The following ABLIM2 variants were observed in gnomAD, a reference collection of about 807,000 sequenced individuals.
ABLIM2 encodes actin binding LIM protein family member 2, also known as actin-binding LIM protein 2.
Under a neutral mutation model 97.7 loss-of-function variants are expected in ABLIM2, and 53 were observed. That is an observed-to-expected ratio of 0.54 (90% CI 0.44 to 0.68). ABLIM2 has a LOEUF of 0.68. Among genes scored for constraint, ABLIM2 ranks in the 30% least tolerant of loss-of-function variants. The pLI, the probability that ABLIM2 is intolerant of heterozygous loss-of-function variation, is 0.00. For missense variants in ABLIM2, 835 were observed against 867.2 expected (o/e 0.96, Z 0.47); for synonymous variants, 361 against 345.8 (o/e 1.04, Z -0.49).
chr4:8,091,319 T>TTA lies in ABLIM2; in HGVS notation c.339-3037_339-3036dup, dbSNP rs1278853015. Among the ~76,000 whole-genome samples the TTA allele has an allele frequency of 4.1e-3, 169 of 40,810 alleles. 18 individuals carry two copies. Among genetic ancestry groups the TTA allele is most frequent in the African/African-American group, 9.1e-3 (107 of 11,798 alleles). The allele number at this position is 40,810 out of a possible 152,430, so 26.8% of individuals were successfully genotyped here. On this transcript the variant is annotated intron_variant, in intron 3 of 20. Coordinates refer to ENST00000447017, the MANE Select transcript of ABLIM2 (RefSeq NM_001130083.2). ...TATATATTATATTATATATATATAA[T>TTA]TATATATATATTATATATATAATAT... is the stretch of plus-strand genomic sequence containing the variant.
chr4:8,132,479 G>T lies in ABLIM2; in HGVS notation c.11-25842C>A, dbSNP rs184564954. Among the ~76,000 whole-genome samples the T allele has an allele frequency of 6.6e-6, 1 of 152,104 alleles. No individual in the cohort carries two copies. Among genetic ancestry groups the T allele is most frequent in the East Asian group, 1.9e-4 (1 of 5,172 alleles). ...GACCATCCAGTCCCTGGAGAAGGACGCCCAGCCCTGGCCTTTCCTGAGCAC... is the reference window on the plus strand; with the variant it reads ...GACCATCCAGTCCCTGGAGAAGGACTCCCAGCCCTGGCCTTTCCTGAGCAC... On this transcript the variant is annotated intron_variant, in intron 1 of 20. Transcript: ENST00000447017. The surrounding 1 kb of genome is among the most constrained non-coding windows in gnomAD (Gnocchi z 8.0).
rs1384294991 is a variant in ABLIM2, at chr4:8,075,659, T to G, written c.675+1969A>C. 6.6e-6 allele frequency among the ~76,000 whole-genome samples: 1 copy of G among 152,002 alleles called. No individual in the cohort carries two copies. On this transcript the variant is annotated intron_variant, in intron 6 of 20. Coordinates refer to ENST00000447017, the MANE Select transcript of ABLIM2 (RefSeq NM_001130083.2). This position sits in a 1 kb window ranked among gnomAD's most constrained non-coding sequence, Gnocchi z 4.4. ...GTGAGCTGTGATGACACCACCGCACTCCAGCCTGGGCAACTGAGTGAGAAC... is the reference window on the plus strand; with the variant it reads ...GTGAGCTGTGATGACACCACCGCACGCCAGCCTGGGCAACTGAGTGAGAAC...
rs1157054155 is a variant in ABLIM2 at position 8,067,717 on chromosome 4, G to C, written c.676-6663C>G. On this transcript the variant is annotated intron_variant, in intron 6 of 20. Coordinates refer to ENST00000447017, the MANE Select transcript of ABLIM2 (RefSeq NM_001130083.2). This position sits in a 1 kb window ranked among gnomAD's most constrained non-coding sequence, Gnocchi z 5.4. ...AGCAAATGTGCCTGCCGGTGCTCAG[G>C]CCTGTCCCAGGCTCGTGGCCAAAGC... 1 of 152,258 alleles carries C rather than the reference G, an allele frequency of 6.6e-6. No individual in the cohort carries two copies. Among genetic ancestry groups the C allele is most frequent in the Non-Finnish European group, 1.5e-5 (1 of 68,068 alleles). 9.4% of individuals were successfully genotyped at this position (152,258 alleles called of 1,614,324 possible). A position where few individuals can be genotyped will look rare whatever the true frequency, so the allele number is the denominator to read the frequency against.
At chr4:7,983,621 T>A in intron 18 of ABLIM2, 67 bp from the exon 19 acceptor site, 1 of 1,580,762 alleles carries the variant, frequency 6.3e-7, no homozygotes, top group Non-Finnish European at 8.6e-7. Flanking sequence ...CCAAGGTGAG[T>A]GCAATCCCTG....
chr4:8,024,971 G>A (rs1186768947), intron 12 of ABLIM2, among the ~76,000 whole-genome samples: 1 of 152,160 alleles, frequency 6.6e-6, no homozygotes, highest in Non-Finnish European at 1.5e-5. Context: ...TGTTGCCCAG[G>A]CTGGATGGAG....
chr4:8,086,190 C>T (rs932086906), intron 4 of ABLIM2, among the ~76,000 whole-genome samples: 1 of 150,944 alleles, frequency 6.6e-6, no homozygotes, highest in Non-Finnish European at 1.5e-5. Context: ...GTCCGGGGAA[C>T]ATTTGTTCTT....
At chr4:8,106,471 G>T (rs770361119) in intron 2 of ABLIM2, 23 bp downstream of exon 2, 9 of 1,580,656 alleles carry the variant, frequency 5.7e-6, no homozygotes, top group Non-Finnish European at 7.7e-6. Flanking sequence ...GGGCCACACT[G>T]CAGGGGACCG....
rs1236602343 is a variant in ABLIM2 at position 8,003,564 on chromosome 4, T to TC, written c.1618+4494_1618+4495insG. Among the ~76,000 whole-genome samples the TC allele has an allele frequency of 2.8e-5, 4 of 144,356 alleles. No homozygotes were observed. Among genetic ancestry groups the TC allele is most frequent in the African/African-American group, 5.4e-5 (2 of 36,832 alleles). 94.7% of individuals were successfully genotyped at this position (144,356 alleles called of 152,430 possible). A position where few individuals can be genotyped will look rare whatever the true frequency, so the allele number is the denominator to read the frequency against. ...ACTACGCTCTTCTTCCAGTTTTCTTTTTTTTTTTTTTTTTTTTTGGAGATG... is the reference window on the plus strand; with the variant it reads ...ACTACGCTCTTCTTCCAGTTTTCTTTCTTTTTTTTTTTTTTTTTTGGAGATG... On this transcript the variant is annotated intron_variant, in intron 16 of 20. Coordinates refer to ENST00000447017, the MANE Select transcript of ABLIM2 (RefSeq NM_001130083.2). The surrounding 1 kb of genome is among the most constrained non-coding windows in gnomAD (Gnocchi z 4.2).
chr4:8,139,258 G>A (rs1447712943), intron 1 of ABLIM2, among the ~76,000 whole-genome samples: 2 of 145,918 alleles, frequency 1.4e-5, no homozygotes, highest in East Asian at 3.9e-4. Flanking sequence ...GAGGGGAATG[G>A]AAGGGAAGGG....
At position 8,067,976 on chromosome 4, in the gene ABLIM2, T is replaced by C. The variant is rs371035544; in HGVS notation, c.676-6922A>G. Among the ~76,000 whole-genome samples, 19 of 152,202 alleles carry C rather than the reference T, an allele frequency of 1.2e-4. No homozygotes were observed. The South Asian group carries it at 3.9e-3, about 32-fold the overall frequency. On this transcript the variant is annotated intron_variant, in intron 6 of 20. Coordinates refer to ENST00000447017, the MANE Select transcript of ABLIM2 (RefSeq NM_001130083.2). This position sits in a 1 kb window ranked among gnomAD's most constrained non-coding sequence, Gnocchi z 5.4. ...CCCCATACTTCCTGCTGAGAACCAG[T>C]GGGTCACAGGCGGCCATCGATGGGC...
intron 1 of ABLIM2, among the ~76,000 whole-genome samples, chr4:8,143,592 G>C (rs1396887180): frequency 1.3e-5 from 2 of 152,132 alleles, no homozygotes; most frequent in Non-Finnish European, 2.9e-5. Context: ...ACCTCCTTCA[G>C]GAAGCCTGCC....
In ABLIM2 at chr4:7,986,321, G is replaced by A. The variant is rs899417894; in HGVS notation, c.1681-1428C>T. ...GAGCAGGAAGACCTCAGAGGGCACCGAGTCCAAAGCCCTTTATCTGAAACA... is the reference window on the plus strand; with the variant it reads ...GAGCAGGAAGACCTCAGAGGGCACCAAGTCCAAAGCCCTTTATCTGAAACA... On this transcript the variant is annotated intron_variant, in intron 17 of 20. Transcript: ENST00000447017. The surrounding 1 kb of genome is among the most constrained non-coding windows in gnomAD (Gnocchi z 4.3). 2.6e-5 allele frequency among the ~76,000 whole-genome samples: 4 copies of A among 152,242 alleles called. No individual in the cohort carries two copies. The highest frequency in any genetic ancestry group is 3.4e-3 in the Middle Eastern group (1 of 294).
intron 1 of ABLIM2, 32 bp from the exon 2 acceptor site, chr4:8,106,669 G>A: frequency 6.4e-7 from 1 of 1,574,522 alleles, no homozygotes; most frequent in Non-Finnish European, 8.6e-7. Context: ...CAGCGTTCAA[G>A]GGTGGATGTG....
In ABLIM2 at chr4:8,077,648, T is replaced by C. The variant is rs370110522; in HGVS notation, c.655A>G (p.Ile219Val). ...CTTACCTCCAGCACGCGCCCCGTGA[T>C]GTATTTCTCACAGCTGTCACAGCGG... is the stretch of plus-strand genomic sequence containing the variant. ...GIRCDSCEKY[I>V]TGRVLEAGEK... Residue 219 changes from isoleucine to valine, a missense_variant, in exon 6 of 21, where the codon ATC becomes GTC. Transcript: ENST00000447017. The C allele has an allele frequency of 1.2e-6, 2 of 1,612,292 alleles. No individual in the cohort carries two copies. Among genetic ancestry groups the C allele is most frequent in the Non-Finnish European group, 1.7e-6 (2 of 1,179,170 alleles).
intron 3 of ABLIM2, among the ~76,000 whole-genome samples, chr4:8,092,625 G>A (rs947626641): frequency 1.3e-5 from 2 of 151,880 alleles, no homozygotes; most frequent in Admixed American, 6.6e-5. Context: ...CTGCCTCATG[G>A]TCCTCCTCCT....
chr4:8,133,378 T>C (rs1849700937), intron 1 of ABLIM2, among the ~76,000 whole-genome samples: 2 of 151,560 alleles, frequency 1.3e-5, no homozygotes, highest in Admixed American at 6.6e-5. Context: ...CATGTCCCCA[T>C]TAAGGGAGTT....
chr4:8,045,337 C>G, intron 8 of ABLIM2, 96 bp from the exon 9 acceptor site: 2 of 1,117,760 alleles, frequency 1.8e-6, no homozygotes, highest in South Asian at 2.5e-5. Flanking sequence ...GCCACGCCAG[C>G]GCACTGCGGT....
At chr4:7,984,418 G>T (rs957190064) in intron 18 of ABLIM2, among the ~76,000 whole-genome samples, 2 of 152,224 alleles carry the variant, frequency 1.3e-5, no homozygotes, top group Non-Finnish European at 1.5e-5. Flanking sequence ...GGCCGCTCTG[G>T]TAACACAAAC....
chr4:7,971,482 G>A (rs1373258355), intron 20 of ABLIM2, among the ~76,000 whole-genome samples: 2 of 152,176 alleles, frequency 1.3e-5, no homozygotes, highest in Non-Finnish European at 1.5e-5. Context: ...TTGCAGCATG[G>A]CAGGGGGACT....
Sources: gnomAD v4.1 joint callset for allele counts (sites outside exome capture counted in the v4.1 genomes callset) on GRCh38, gnomAD v4.1.1 for gene constraint, Gnocchi (gnomAD v3.1) non-coding constraint, MANE v1.5 for transcripts, NCBI Gene and HGNC (gene_info 2026-07-23, HGNC 2026-07-21) for gene names.